Variants in HOOK3 observed in about 807,000 individuals in gnomAD.
HOOK3 encodes protein Hook homolog 3.
HOOK3 carries 24 observed loss-of-function variants against 116.3 expected under a neutral mutation model. The observed-to-expected ratio is 0.21, with a 90% CI of 0.15 to 0.29. The LOEUF is 0.29. Ranked by LOEUF, HOOK3 falls within the 10% of genes least tolerant of loss-of-function variation. HOOK3 has a pLI of 1.00. For missense variants in HOOK3, 632 were observed against 830.2 expected (o/e 0.76, Z 2.93); for synonymous variants, 275 against 283.0 (o/e 0.97, Z 0.28).
At chr8:42,929,708 A>G (rs900778658) in intron 3 of HOOK3, among the ~76,000 whole-genome samples, 2 of 152,158 alleles carry the variant, frequency 1.3e-5, no homozygotes, top group Non-Finnish European at 2.9e-5. Context: ...ATTTTTGCCT[A>G]ATACTCTCTT....
In HOOK3 at chr8:43,007,864, C is replaced by T. The variant is rs369526249; in HGVS notation, c.1673C>T (p.Ala558Val). The T allele has an allele frequency of 5.0e-6, 8 of 1,598,514 alleles. No individual in the cohort carries two copies. Among genetic ancestry groups the T allele is most frequent in the Non-Finnish European group, 5.1e-6 (6 of 1,169,716 alleles). ...TGTTACAGAGAGAAGCTGCATGAGG[C>T]CAATAATGAACTACAGAAGAAGAGA... is the stretch of plus-strand genomic sequence containing the variant. ...LEEHLEKLHEANNELQKKRAI... is the reference protein window; with the variant it reads ...LEEHLEKLHEVNNELQKKRAI... The change falls in exon 18 of 22, where the codon GCC (alanine) becomes GTC (valine). Residue 558 changes from alanine to valine, a missense_variant. This residue lies in a region of HOOK3 where 483 missense variants were observed against 648.1 expected (regional missense o/e 0.75). Transcript: ENST00000307602.
At position 42,968,223 on chromosome 8, in the gene HOOK3, AAC is replaced by A. The variant is rs766699306; in HGVS notation, c.1122+13_1122+14del. On this transcript the variant is annotated intron_variant, in intron 11 of 21. Coordinates refer to ENST00000307602, the MANE Select transcript of HOOK3 (RefSeq NM_032410.4). ...AAACCTACAAGAGACAGGTAAAAGA[AAC>A]ACAGCATCTTGATGATGGTTTCAGG... 3.7e-6 allele frequency: 6 copies of A among 1,600,790 alleles called. No individual in the cohort carries two copies. The highest frequency in any genetic ancestry group is 5.1e-6 in the Non-Finnish European group (6 of 1,171,016).
At chr8:42,970,805 T>TTTTTTTTTTTTTTTTTG (rs1808713991) in intron 11 of HOOK3, among the ~76,000 whole-genome samples, 1 of 145,416 alleles carries the variant, frequency 6.9e-6, no homozygotes, top group African/African-American at 2.5e-5. Context: ...TTTTTTTTTC[T>TTTTTTTTTTTTTTTTTG]GAGACAGGGT....
At chr8:42,978,738 G>A (rs536759969) in intron 13 of HOOK3, among the ~76,000 whole-genome samples, 12 of 151,808 alleles carry the variant, frequency 7.9e-5, no homozygotes, top group East Asian at 7.8e-4. Context: ...TGATAGAGAA[G>A]GGGTTTCATC....
intron 16 of HOOK3, chr8:43,000,134 C>T (rs991463808): frequency 6.6e-5 from 33 of 502,698 alleles, no homozygotes; most frequent in Admixed American, 5.2e-4. Context: ...GGCAACAGAG[C>T]GAGACTCCGT....
chr8:42,938,259 C>A (rs1262558642), intron 4 of HOOK3, among the ~76,000 whole-genome samples: 8 of 147,494 alleles, frequency 5.4e-5, no homozygotes, highest in Non-Finnish European at 3.0e-5. Flanking sequence ...GTAAATCTTC[C>A]TGCATCCCTT....
At chr8:42,912,553 A>G (rs1039516424) in intron 2 of HOOK3, among the ~76,000 whole-genome samples, 2 of 152,176 alleles carry the variant, frequency 1.3e-5, no homozygotes, top group African/African-American at 2.4e-5. Context: ...ATACCACTGA[A>G]CTGTGCACTT....
rs1809826869 is a variant in HOOK3, at chr8:43,021,414, C to T, written c.*2916C>T. 1 of 173,222 alleles carries T rather than the reference C, an allele frequency of 5.8e-6. No homozygotes were observed. The highest frequency in any genetic ancestry group is 2.4e-5 in the African/African-American group (1 of 41,906). The allele number at this position is 173,222 out of a possible 1,614,324, so 10.7% of individuals were successfully genotyped here. On this transcript the variant is annotated 3_prime_UTR_variant, in exon 22 of 22. Transcript: ENST00000307602. ...TGCCTCCCGGGTTCAAGCAATTCTC[C>T]TGCCTCAGCCTCCAGAGTAGCTGGG...
intron 14 of HOOK3, 121 bp downstream of exon 14, chr8:42,982,817 C>CA (rs1206621093): frequency 1.5e-5 from 10 of 671,030 alleles, no homozygotes; most frequent in Admixed American, 2.6e-5. Context: ...AACATGAACT[C>CA]AGTGTTAAAT....
At chr8:42,991,127 C>G (rs1809152386) in intron 15 of HOOK3, among the ~76,000 whole-genome samples, 1 of 152,134 alleles carries the variant, frequency 6.6e-6, no homozygotes, top group African/African-American at 2.4e-5. Flanking sequence ...TCTGACTTCT[C>G]TTTTCTGTTC....
chr8:42,906,799 G>A (rs968177920), intron 2 of HOOK3, among the ~76,000 whole-genome samples: 1 of 152,174 alleles, frequency 6.6e-6, no homozygotes, highest in Admixed American at 6.5e-5. Context: ...CATGGAGCCA[G>A]GGAATTTGTT....
Position 43,013,071 on chromosome 8 carries a change from T to G in HOOK3, c.1860T>G (p.Pro620=), listed in dbSNP as rs1353594554. 9 of 1,611,614 alleles carry G rather than the reference T, an allele frequency of 5.6e-6. No homozygotes were observed. Among genetic ancestry groups the G allele is most frequent in the Non-Finnish European group, 7.6e-6 (9 of 1,179,004 alleles). Residue 620 remains proline (P), a synonymous_variant, in exon 20 of 22, where the codon CCT becomes CCG. Coordinates refer to ENST00000307602, the MANE Select transcript of HOOK3 (RefSeq NM_032410.4). ...TGCAGGTCATCCGTACTTTAGATCC[T>G]AAACAGAATCAAGGAGCAGCACCAG... ...KAKSVIRTLD[P]KQNQGAAPEI... is the part of the protein sequence containing the mutation.
At chr8:42,930,052 A>T (rs1423611627) in intron 3 of HOOK3, 70 bp from the exon 4 acceptor site, 1 of 1,423,136 alleles carries the variant, frequency 7.0e-7, no homozygotes, top group Non-Finnish European at 9.5e-7. Context: ...TGGCTCAGAA[A>T]TTTTTTATGT....
Position 42,956,264 on chromosome 8 carries a change from GT to G in HOOK3, c.469-828del, listed in dbSNP as rs1235128394. Reference sequence around the variant, plus strand: ...TGTGTGTGTGTGTGTGTGTGTGTGTGTTATCATTAAACATTAGCCAGTAATT... The same window carrying G: ...TGTGTGTGTGTGTGTGTGTGTGTGTGTATCATTAAACATTAGCCAGTAATT... On this transcript the variant is annotated intron_variant, in intron 6 of 21. Coordinates refer to ENST00000307602, the MANE Select transcript of HOOK3 (RefSeq NM_032410.4). Among the ~76,000 whole-genome samples the G allele has an allele frequency of 2.9e-3, 433 of 147,402 alleles. 2 individuals carry two copies. Among genetic ancestry groups the G allele is most frequent in the African/African-American group, 9.1e-3 (359 of 39,296 alleles).
At position 43,020,585 on chromosome 8, in the gene HOOK3, G is replaced by A. The variant is rs1586637918; in HGVS notation, c.*2087G>A. The stretch of plus-strand genomic sequence containing the variant: ...AAAAATTAGCTGGGCATGGTGGCAT[G>A]TGGCTGTAATCCCAGCTACTTGGGA... On this transcript the variant is annotated 3_prime_UTR_variant, in exon 22 of 22. Coordinates refer to ENST00000307602, the MANE Select transcript of HOOK3 (RefSeq NM_032410.4). The A allele has an allele frequency of 5.7e-6, 1 of 174,932 alleles. No homozygotes were observed. Among genetic ancestry groups the A allele is most frequent in the East Asian group, 9.9e-5 (1 of 10,052 alleles). 10.8% of individuals were successfully genotyped at this position (174,932 alleles called of 1,614,324 possible). A position where few individuals can be genotyped will look rare whatever the true frequency, so the allele number is the denominator to read the frequency against.
intron 14 of HOOK3, among the ~76,000 whole-genome samples, chr8:42,986,114 G>A (rs1809045581): frequency 6.6e-6 from 1 of 152,172 alleles, no homozygotes; most frequent in Non-Finnish European, 1.5e-5. Flanking sequence ...TATGGATACT[G>A]TTTTTAATAT....
chr8:42,939,744 G>A (rs1186368232), intron 4 of HOOK3, among the ~76,000 whole-genome samples: 1 of 150,576 alleles, frequency 6.6e-6, no homozygotes, highest in African/African-American at 2.4e-5. Context: ...CTGCCGGGCG[G>A]AGGGGCTCCT....
chr8:42,946,814 G>GC (rs1808239087), intron 5 of HOOK3, among the ~76,000 whole-genome samples: 1 of 138,194 alleles, frequency 7.2e-6, no homozygotes, highest in Non-Finnish European at 1.5e-5. Context: ...TGTCACCCAG[G>GC]CTGGAGTCCA....
intron 2 of HOOK3, among the ~76,000 whole-genome samples, chr8:42,915,500 C>T (rs915101194): frequency 2.0e-5 from 3 of 152,124 alleles, no homozygotes; most frequent in Non-Finnish European, 2.9e-5. Context: ...GGTGCGATTT[C>T]GGCTCACTGC....
Sources: gnomAD v4.1 joint callset for allele counts (sites outside exome capture counted in the v4.1 genomes callset) on GRCh38, gnomAD v4.1.1 for gene constraint, gnomAD v4.1.1 regional missense constraint, MANE v1.5 for transcripts, NCBI Gene and HGNC (gene_info 2026-07-23, HGNC 2026-07-21) for gene names.